Variants in FBXO25 observed in about 807,000 individuals in gnomAD.
FBXO25 encodes F-box protein 25.
A neutral mutation model predicts 51.9 loss-of-function variants in FBXO25; 45 were observed. The ratio of observed to expected loss-of-function variants is 0.87; its 90% CI spans 0.68 to 1.11. The LOEUF is 1.11. Among genes scored for constraint, FBXO25 ranks in the 50% most tolerant of loss-of-function variants. The pLI is 0.00. For synonymous variants in FBXO25, 199 were observed against 151.0 expected, an observed-to-expected ratio of 1.32 and a Z score of -2.33; for missense variants, 507 against 428.5, an observed-to-expected ratio of 1.18 and a Z score of -1.62.
chr8:435,944 C>G (rs1272663778), intron 5 of FBXO25, among the ~76,000 whole-genome samples: 2 of 152,306 alleles, frequency 1.3e-5, no homozygotes, highest in East Asian at 1.9e-4. Context: ...CTCATCTGCC[C>G]TGTGGCTCTG....
At chr8:407,454 T>G (rs1796225522) in intron 1 of FBXO25, 1 of 982,506 alleles carries the variant, frequency 1.0e-6, no homozygotes, top group Admixed American at 6.2e-5. Flanking sequence ...GAGGGTTCAT[T>G]CAGGGAGCTG....
chr8:475,668 G>T lies in FBXO25; in HGVS notation c.*6864G>T, dbSNP rs1018421360. The T allele has an allele frequency of 6.6e-6, 1 of 151,890 alleles. No homozygotes were observed. The highest frequency in any genetic ancestry group is 1.5e-5 in the Non-Finnish European group (1 of 67,936). 9.4% of individuals were successfully genotyped at this position (151,890 alleles called of 1,614,324 possible). On this transcript the variant is annotated 3_prime_UTR_variant, in exon 10 of 10. Coordinates refer to ENST00000350302, the MANE Select transcript of FBXO25 (RefSeq NM_183420.2). ...TATTCCTAAATATTTCAGTTTTTTTGTTACTATTATAATGGAATTTTCTTA... is the reference window on the plus strand; with the variant it reads ...TATTCCTAAATATTTCAGTTTTTTTTTTACTATTATAATGGAATTTTCTTA...
At chr8:413,683 A>C (rs112568115) in intron 2 of FBXO25, among the ~76,000 whole-genome samples, 1 of 152,204 alleles carries the variant, frequency 6.6e-6, no homozygotes, top group Non-Finnish European at 1.5e-5. Context: ...CCTTACCTGC[A>C]TGGTCCAAAA....
chr8:421,774 G>C (rs1338193256), intron 2 of FBXO25, among the ~76,000 whole-genome samples: 1 of 152,154 alleles, frequency 6.6e-6, no homozygotes, highest in Admixed American at 6.5e-5. Flanking sequence ...GTTGGTTCCA[G>C]GGCTGGGATA....
chr8:427,294 C>T (rs1286187824), intron 2 of FBXO25, among the ~76,000 whole-genome samples: 2 of 151,768 alleles, frequency 1.3e-5, no homozygotes, highest in Admixed American at 6.6e-5. Context: ...TCAGAGGAGG[C>T]CAGGGTGGGA....
At chr8:455,012 G>C (rs1211538493) in intron 7 of FBXO25, among the ~76,000 whole-genome samples, 1 of 152,158 alleles carries the variant, frequency 6.6e-6, no homozygotes, top group Non-Finnish European at 1.5e-5. Flanking sequence ...GCCTTTGTCA[G>C]CTTCCCACTA....
In FBXO25 at chr8:468,863, TAGTG is replaced by T. The variant is rs1262223391; in HGVS notation, c.*64_*67del. 1 of 1,520,680 alleles carries T rather than the reference TAGTG, an allele frequency of 6.6e-7. No homozygotes were observed. The highest frequency in any genetic ancestry group is 9.0e-7 in the Non-Finnish European group (1 of 1,108,146). The allele number at this position is 1,520,680 out of a possible 1,614,324, so 94.2% of individuals were successfully genotyped here. On this transcript the variant is annotated 3_prime_UTR_variant, in exon 10 of 10. Coordinates refer to ENST00000350302, the MANE Select transcript of FBXO25 (RefSeq NM_183420.2). ...AATCCTGCTGTCTGTGCAGGGCTCA[TAGTG>T]AGTGTTCTGTGAGGTGGGTGGAGAC...
chr8:451,188 C>A, intron 6 of FBXO25, 81 bp from the exon 7 acceptor site: 2 of 1,202,266 alleles, frequency 1.7e-6, no homozygotes, highest in Non-Finnish European at 2.3e-6. Flanking sequence ...TATCAGTGGA[C>A]ATTTGGGTTA....
chr8:451,365 T>C lies in FBXO25; in HGVS notation c.572T>C (p.Val191Ala). 3 of 1,614,076 alleles carry C rather than the reference T, an allele frequency of 1.9e-6. No individual in the cohort carries two copies. The highest frequency in any genetic ancestry group is 2.5e-6 in the Non-Finnish European group (3 of 1,179,982). The change falls in exon 7 of 10, where the codon GTA (valine) becomes GCA (alanine). Residue 191 changes from valine to alanine, a missense_variant. Val to Ala is a moderately conservative substitution (Grantham distance 64). Coordinates refer to ENST00000350302, the MANE Select transcript of FBXO25 (RefSeq NM_183420.2). ...CILIRGVGKSVLVGNINIWIC... is the reference protein window; with the variant it reads ...CILIRGVGKSALVGNINIWIC... Reference sequence around the variant, plus strand: ...CTTATTAGAGGAGTAGGGAAGTCTGTATTAGTGGGAAACATCAATATTTGG... The same window carrying C: ...CTTATTAGAGGAGTAGGGAAGTCTGCATTAGTGGGAAACATCAATATTTGG...
At chr8:424,752 T>G (rs1367818425) in intron 2 of FBXO25, among the ~76,000 whole-genome samples, 1 of 152,202 alleles carries the variant, frequency 6.6e-6, no homozygotes, top group Non-Finnish European at 1.5e-5. Flanking sequence ...AGAAGCTGTT[T>G]TGGTTACTGG....
intron 9 of FBXO25, chr8:468,155 A>G (rs1800308162): frequency 8.8e-6 from 9 of 1,025,576 alleles, no homozygotes; most frequent in Non-Finnish European, 1.1e-5. Flanking sequence ...CACTTCTCAT[A>G]TTAAATATAA....
chr8:425,287 A>C (rs574128103), intron 2 of FBXO25, among the ~76,000 whole-genome samples: 3 of 152,138 alleles, frequency 2.0e-5, no homozygotes, highest in African/African-American at 7.2e-5. Context: ...TTTATTCTTA[A>C]AATTTGATAT....
chr8:467,618 C>T (rs1261734911), intron 9 of FBXO25: 3 of 1,171,944 alleles, frequency 2.6e-6, no homozygotes, highest in East Asian at 2.3e-5. Flanking sequence ...TGAATCAAAC[C>T]TGAATGCTTA....
At chr8:429,847 CCTGTGGAAT>C (rs1171935653) in intron 2 of FBXO25, among the ~76,000 whole-genome samples, 8 of 152,342 alleles carry the variant, frequency 5.3e-5, no homozygotes, top group Middle Eastern at 6.8e-3. Context: ...GTCACCTCCA[CCTGTGGAAT>C]CCACAGTGTG....
chr8:467,974 G>A (rs1224640205), intron 9 of FBXO25: 1 of 1,389,614 alleles, frequency 7.2e-7, no homozygotes, highest in African/African-American at 1.5e-5. Flanking sequence ...TGCTGAGGGA[G>A]GCTGCTAGAT....
chr8:434,461 G>T (rs1169095284), intron 4 of FBXO25, among the ~76,000 whole-genome samples: 3 of 152,158 alleles, frequency 2.0e-5, no homozygotes, highest in African/African-American at 7.2e-5. Flanking sequence ...CACATAGCAG[G>T]CAGTCAGTCA....
chr8:439,482 G>C (rs1189046457), intron 5 of FBXO25, among the ~76,000 whole-genome samples: 1 of 152,242 alleles, frequency 6.6e-6, no homozygotes, highest in Non-Finnish European at 1.5e-5. Context: ...TAAATTATCT[G>C]AAGTACTTCA....
At chr8:430,145 C>A (rs1256789786) in intron 2 of FBXO25, among the ~76,000 whole-genome samples, 1 of 152,204 alleles carries the variant, frequency 6.6e-6, no homozygotes, top group Non-Finnish European at 1.5e-5. Flanking sequence ...TTCTGGAGAA[C>A]ATTGTATTTG....
intron 9 of FBXO25, chr8:468,261 C>T (rs569153686): frequency 5.2e-5 from 53 of 1,013,280 alleles, no homozygotes; most frequent in Non-Finnish European, 5.9e-5. Flanking sequence ...CTGTCCTATG[C>T]AGGGAGCCCA....
Sources: gnomAD v4.1 joint callset for allele counts (sites outside exome capture counted in the v4.1 genomes callset) on GRCh38, gnomAD v4.1.1 for gene constraint, MANE v1.5 for transcripts, NCBI Gene and HGNC (gene_info 2026-07-23, HGNC 2026-07-21) for gene names.